Variants in ACOT13 observed in about 807,000 individuals in gnomAD.
ACOT13 encodes acyl-CoA thioesterase 13, also known as acyl-coenzyme A thioesterase 13.
ACOT13 carries 10 observed loss-of-function variants against 11.8 expected under a neutral mutation model. That is an observed-to-expected ratio of 0.85 (90% CI 0.53 to 1.44). The LOEUF is 1.44. Ranked by LOEUF, ACOT13 falls within the 40% of genes most tolerant of loss-of-function variation. The pLI is 0.00. For synonymous variants in ACOT13, 53 were observed against 61.0 expected, an observed-to-expected ratio of 0.87 and a Z score of 0.61; for missense variants, 172 against 174.1, an observed-to-expected ratio of 0.99 and a Z score of 0.07.
chr6:24,699,138 G>C (rs1306038788), intron 2 of ACOT13, among the ~76,000 whole-genome samples: 1 of 151,304 alleles, frequency 6.6e-6, no homozygotes, highest in Non-Finnish European at 1.5e-5. Context: ...CAACAAAAAT[G>C]TAACTAACTG....
intron 1 of ACOT13, among the ~76,000 whole-genome samples, chr6:24,667,915 T>G (rs186234968): frequency 4.7e-5 from 7 of 150,012 alleles, no homozygotes; most frequent in Non-Finnish European, 9.0e-5. Flanking sequence ...TTTGTTTTTG[T>G]TTTTTTAGGA....
chr6:24,693,903 T>C (rs1351433721), intron 1 of ACOT13, among the ~76,000 whole-genome samples: 1 of 152,052 alleles, frequency 6.6e-6, no homozygotes, highest in East Asian at 1.9e-4. Flanking sequence ...TTTGTATTTT[T>C]AGTAGATACA....
intron 2 of ACOT13, among the ~76,000 whole-genome samples, chr6:24,700,425 C>CTTTTTT (rs34173572): frequency 2.9e-5 from 3 of 105,140 alleles, no homozygotes; most frequent in Non-Finnish European, 3.6e-5. Flanking sequence ...TAAGATCCAC[C>CTTTTTT]TTTTTTTTTT....
chr6:24,682,679 G>C (rs1229024677), intron 1 of ACOT13, among the ~76,000 whole-genome samples: 1 of 151,890 alleles, frequency 6.6e-6, no homozygotes, highest in Non-Finnish European at 1.5e-5. Context: ...TGCAGTGGCA[G>C]GTCTGCGGTG....
rs1373657004 is a variant in ACOT13 at position 24,702,092 on chromosome 6, T to C, written c.*477T>C. 1 of 152,688 alleles carries C rather than the reference T, an allele frequency of 6.5e-6. No homozygotes were observed. Among genetic ancestry groups the C allele is most frequent in the African/African-American group, 2.4e-5 (1 of 41,404 alleles). The allele number at this position is 152,688 out of a possible 1,614,324, so 9.5% of individuals were successfully genotyped here. On this transcript the variant is annotated 3_prime_UTR_variant, in exon 3 of 3. Coordinates refer to ENST00000230048, the MANE Select transcript of ACOT13 (RefSeq NM_018473.4). ...TAGATGGTGCCTTCTCACTGTGTGG[T>C]GGAAGGGGCAAGTGAGCCCTCTGGG...
intron 1 of ACOT13, among the ~76,000 whole-genome samples, chr6:24,677,405 C>T (rs1778473027): frequency 6.6e-6 from 1 of 152,194 alleles, no homozygotes; most frequent in South Asian, 2.1e-4. Flanking sequence ...GAGATGTTCA[C>T]ACAGTAAGAT....
Position 24,680,890 on chromosome 6 carries a change from G to A in ACOT13, c.81+13546G>A, listed in dbSNP as rs555890088. On this transcript the variant is annotated intron_variant, in intron 1 of 2. Coordinates refer to ENST00000230048, the MANE Select transcript of ACOT13 (RefSeq NM_018473.4). ...TGCAAACAGCTCGCACGTTTGAGGAGACCAATTATTAGGCAATTTTTCTAA... is the reference window on the plus strand; with the variant it reads ...TGCAAACAGCTCGCACGTTTGAGGAAACCAATTATTAGGCAATTTTTCTAA... Among the ~76,000 whole-genome samples the A allele has an allele frequency of 5.9e-5, 9 of 152,310 alleles. No homozygotes were observed. In the East Asian group the frequency reaches 1.7e-3, roughly 29 times the overall value.
At chr6:24,684,318 G>A (rs552551905) in intron 1 of ACOT13, among the ~76,000 whole-genome samples, 56 of 152,266 alleles carry the variant, frequency 3.7e-4, no homozygotes, top group African/African-American at 1.3e-3. Flanking sequence ...TGGCCTAAGG[G>A]GATCTTTGAA....
At chr6:24,695,709 C>T (rs1404926147) in intron 1 of ACOT13, among the ~76,000 whole-genome samples, 10 of 152,120 alleles carry the variant, frequency 6.6e-5, no homozygotes, top group Non-Finnish European at 4.4e-5. Context: ...CACCTTATTC[C>T]TGCTCGGTGT....
rs575682531 is a variant in ACOT13 at position 24,704,233 on chromosome 6, C to G, written c.*2618C>G. On this transcript the variant is annotated 3_prime_UTR_variant, in exon 3 of 3. Coordinates refer to ENST00000230048, the MANE Select transcript of ACOT13 (RefSeq NM_018473.4). ...CAAATAGCTCACAGGTATAAGTGTA[C>G]AGAGAAAATGAAAAAAATGTGGCAA... The G allele has an allele frequency of 8.7e-5, 13 of 149,174 alleles. No individual in the cohort carries two copies. Among genetic ancestry groups the G allele is most frequent in the South Asian group, 2.1e-4 (1 of 4,672 alleles). 9.2% of individuals were successfully genotyped at this position (149,174 alleles called of 1,614,324 possible).
chr6:24,703,476 G>C lies in ACOT13; in HGVS notation c.*1861G>C, dbSNP rs1306245398. On this transcript the variant is annotated 3_prime_UTR_variant, in exon 3 of 3. Transcript: ENST00000230048. ...TTGAGGCTGGGACAGAAAGGTTACA[G>C]TATCTTATGCATGAAAGGAGATGCT... The C allele has an allele frequency of 6.6e-6, 1 of 152,234 alleles. No individual in the cohort carries two copies. Among genetic ancestry groups the C allele is most frequent in the East Asian group, 1.9e-4 (1 of 5,196 alleles). The allele number at this position is 152,234 out of a possible 1,614,324, so 9.4% of individuals were successfully genotyped here. A position where few individuals can be genotyped will look rare whatever the true frequency, so the allele number is the denominator to read the frequency against.
chr6:24,675,450 T>C (rs1399109034), intron 1 of ACOT13, among the ~76,000 whole-genome samples: 1 of 152,242 alleles, frequency 6.6e-6, no homozygotes, highest in Non-Finnish European at 1.5e-5. Flanking sequence ...TATCTCATTG[T>C]GGTTTTGATT....
At chr6:24,680,446 C>T (rs947885329) in intron 1 of ACOT13, among the ~76,000 whole-genome samples, 1 of 152,018 alleles carries the variant, frequency 6.6e-6, no homozygotes, top group African/African-American at 2.4e-5. Context: ...CATAGGGATG[C>T]CAGCACCCCT....
chr6:24,681,308 G>A (rs980693283), intron 1 of ACOT13, among the ~76,000 whole-genome samples: 3 of 152,148 alleles, frequency 2.0e-5, no homozygotes, highest in Admixed American at 6.5e-5. Flanking sequence ...TGGCCCATCC[G>A]CGGGTTACTG....
chr6:24,701,760 G>A lies in ACOT13; in HGVS notation c.*145G>A. 2 of 753,406 alleles carry A rather than the reference G, an allele frequency of 2.7e-6. No homozygotes were observed. The highest frequency in any genetic ancestry group is 4.0e-6 in the Non-Finnish European group (2 of 499,456). 46.7% of individuals were successfully genotyped at this position (753,406 alleles called of 1,614,324 possible). A position where few individuals can be genotyped will look rare whatever the true frequency, so the allele number is the denominator to read the frequency against. ...AGGAAAAGGACCTGGATATCAAGTAGGGTAAAGGTGGGGGTGTCTTTTTTC... is the reference window on the plus strand; with the variant it reads ...AGGAAAAGGACCTGGATATCAAGTAAGGTAAAGGTGGGGGTGTCTTTTTTC... On this transcript the variant is annotated 3_prime_UTR_variant, in exon 3 of 3. Coordinates refer to ENST00000230048, the MANE Select transcript of ACOT13 (RefSeq NM_018473.4).
intron 1 of ACOT13, among the ~76,000 whole-genome samples, chr6:24,689,751 T>C (rs1778693830): frequency 6.6e-6 from 1 of 152,090 alleles, no homozygotes; most frequent in South Asian, 2.1e-4. Context: ...AAAAATCTAA[T>C]AAAAACAGTA....
At chr6:24,668,837 C>A (rs982186646) in intron 1 of ACOT13, among the ~76,000 whole-genome samples, 1 of 152,034 alleles carries the variant, frequency 6.6e-6, no homozygotes, top group Non-Finnish European at 1.5e-5. Flanking sequence ...TACTTCTTAG[C>A]GTAATTTTGC....
intron 1 of ACOT13, among the ~76,000 whole-genome samples, chr6:24,668,713 C>T (rs1164543889): frequency 6.6e-6 from 1 of 152,170 alleles, no homozygotes; most frequent in African/African-American, 2.4e-5. Flanking sequence ...ACAAAGTTGC[C>T]CTTATATGCA....
At position 24,702,248 on chromosome 6, in the gene ACOT13, C is replaced by A. The variant is rs139949387; in HGVS notation, c.*633C>A. 1,728 of 152,524 alleles carry A rather than the reference C, an allele frequency of 0.011. 27 individuals are homozygous for A. Among genetic ancestry groups the A allele is most frequent in the African/African-American group, 0.029 (1,198 of 41,550 alleles). The allele number at this position is 152,524 out of a possible 1,614,324, so 9.4% of individuals were successfully genotyped here. On this transcript the variant is annotated 3_prime_UTR_variant, in exon 3 of 3. Coordinates refer to ENST00000230048, the MANE Select transcript of ACOT13 (RefSeq NM_018473.4). ...GCCTCAGCCTCCCAAGTAGCTGGGA[C>A]TATAGGCATGTGCCATCACACCTAG...
Sources: allele counts gnomAD v4.1 joint callset (sites outside exome capture counted in the v4.1 genomes callset), GRCh38; gene constraint gnomAD v4.1.1; transcripts MANE v1.5; gene names NCBI Gene and HGNC (gene_info 2026-07-23, HGNC 2026-07-21).